BAZ2B: variants seen among roughly 807,000 people sequenced by gnomAD.
The protein encoded by BAZ2B is bromodomain adjacent to zinc finger domain protein 2B.
A neutral mutation model predicts 246.0 loss-of-function variants in BAZ2B; 91 were observed. The observed-to-expected ratio is 0.37, with a 90% CI of 0.31 to 0.44. The LOEUF is 0.44. Ranked by LOEUF, BAZ2B falls within the 20% of genes least tolerant of loss-of-function variation. The probability of loss-of-function intolerance (pLI) is 1.00; values close to 1 mark genes in which losing one functional copy is unlikely to be tolerated. For missense variants in BAZ2B, 2,332 were observed against 2,533.7 expected (o/e 0.92, Z 1.71); for synonymous variants, 855 against 860.0 (o/e 0.99, Z 0.10).
intron 6 of BAZ2B, among the ~76,000 whole-genome samples, chr2:159,445,501 T>C (rs2150359253): frequency 6.6e-6 from 1 of 152,264 alleles, no homozygotes; most frequent in African/African-American, 2.4e-5. Context: ...GCCCACTGGA[T>C]GGCAGAGAAA....
At chr2:159,634,486 A>C in the BAZ2B span, among the ~76,000 whole-genome samples, 2 of 152,240 alleles carry the variant, frequency 1.3e-5, no homozygotes, top group African/African-American at 2.4e-5. Context: ...TGCACATGTT[A>C]GAATAATTGT....
intron 1 of BAZ2B, among the ~76,000 whole-genome samples, chr2:159,556,842 C>T (rs1449590569): frequency 6.6e-6 from 1 of 152,068 alleles, no homozygotes; most frequent in Admixed American, 6.6e-5. Flanking sequence ...ATGGTTATGG[C>T]ATTTTAAGGT....
At chr2:159,708,530 C>T in the BAZ2B span, among the ~76,000 whole-genome samples, 2 of 150,480 alleles carry the variant, frequency 1.3e-5, no homozygotes, top group African/African-American at 4.9e-5. Context: ...ATTCTCTTTA[C>T]GTGTTTTAAT....
At chr2:159,399,044 C>A in intron 17 of BAZ2B, 150 bp from the exon 18 acceptor site, 1 of 584,754 alleles carries the variant, frequency 1.7e-6, no homozygotes, top group South Asian at 3.3e-5. Context: ...CCCCAGTTAA[C>A]ATTATGTTTA....
rs879272785 is a variant in BAZ2B at position 159,543,684 on chromosome 2, C to T, written c.-3+12139G>A. On this transcript the variant is annotated intron_variant, in intron 2 of 36. Coordinates refer to ENST00000392783, the MANE Select transcript of BAZ2B (RefSeq NM_013450.4). ...CTGAGTAGCTGCAACTACAGGCACA[C>T]GCCACCACACCCAGCTAATTTTTGT... 7.2e-5 allele frequency among the ~76,000 whole-genome samples: 11 copies of T among 152,016 alleles called. 1 individual carries two copies. The South Asian group carries it at 8.3e-4, about 11-fold the overall frequency.
chr2:159,366,593 T>A (rs1343870749), intron 27 of BAZ2B, among the ~76,000 whole-genome samples: 2 of 152,246 alleles, frequency 1.3e-5, no homozygotes, highest in Non-Finnish European at 2.9e-5. Context: ...CCTACGAAGC[T>A]GAGGATATGA....
At chr2:159,706,081 T>C in the BAZ2B span, among the ~76,000 whole-genome samples, 53 of 39,066 alleles carry the variant, frequency 1.4e-3, 1 homozygote, top group South Asian at 5.6e-3. Flanking sequence ...TGTAAACATA[T>C]ATAACACACA....
At chr2:159,624,415 G>T in the BAZ2B span, among the ~76,000 whole-genome samples, 1 of 152,152 alleles carries the variant, frequency 6.6e-6, no homozygotes, top group East Asian at 1.9e-4. Flanking sequence ...CTCCCAGTAG[G>T]GGCTGACAGA....
rs574888150 is a variant in BAZ2B at position 159,533,430 on chromosome 2, T to G, written c.-3+22393A>C. Among the ~76,000 whole-genome samples the G allele has an allele frequency of 3.3e-4, 50 of 152,260 alleles. No individual in the cohort carries two copies. In the South Asian group the frequency reaches 0.01, roughly 32 times the overall value. ...AATATAGATCAAGTCACTCTGAGGT[T>G]TGGTTTTCCAAAATGAAAGTGCTAA... On this transcript the variant is annotated intron_variant, in intron 2 of 36. Coordinates refer to ENST00000392783, the MANE Select transcript of BAZ2B (RefSeq NM_013450.4).
chr2:159,330,053 C>T (rs999650594), intron 34 of BAZ2B, among the ~76,000 whole-genome samples: 2 of 151,860 alleles, frequency 1.3e-5, no homozygotes, highest in Non-Finnish European at 2.9e-5. Flanking sequence ...CTATGTATGA[C>T]AAAAATGATC....
At chr2:159,349,488 T>A (rs2058335136) in intron 28 of BAZ2B, among the ~76,000 whole-genome samples, 1 of 152,242 alleles carries the variant, frequency 6.6e-6, no homozygotes, top group African/African-American at 2.4e-5. Flanking sequence ...GATATACCGT[T>A]ACAGTAATAA....
chr2:159,489,312 T>C (rs896931674), intron 2 of BAZ2B, among the ~76,000 whole-genome samples: 27 of 150,052 alleles, frequency 1.8e-4, no homozygotes, highest in African/African-American at 6.4e-4. Flanking sequence ...ATGAAGATGA[T>C]AAAAAAAAAG....
At chr2:159,589,326 C>G (rs7580661) in intron 1 of BAZ2B, among the ~76,000 whole-genome samples, 83,072 of 151,386 alleles carry the variant, frequency 0.55, 23,431 homozygotes, top group East Asian at 0.74. Context: ...CATTCTAAGC[C>G]AACTTTCATA....
At chr2:159,465,941 A>C (rs1184922949) in intron 3 of BAZ2B, among the ~76,000 whole-genome samples, 6 of 152,090 alleles carry the variant, frequency 3.9e-5, no homozygotes, top group African/African-American at 7.2e-5. Context: ...AAGAGACTTT[A>C]TTTAGGATGT....
At chr2:159,508,194 G>A (rs2082537171) in intron 2 of BAZ2B, among the ~76,000 whole-genome samples, 1 of 152,122 alleles carries the variant, frequency 6.6e-6, no homozygotes, top group Non-Finnish European at 1.5e-5. Context: ...TCAAATATGG[G>A]CTATTATACA....
chr2:159,456,637 T>C (rs1394857888), intron 3 of BAZ2B, among the ~76,000 whole-genome samples: 3 of 152,156 alleles, frequency 2.0e-5, no homozygotes, highest in South Asian at 2.1e-4. Flanking sequence ...CTGGCAAGAA[T>C]GCAGAGATGG....
intron 33 of BAZ2B, among the ~76,000 whole-genome samples, chr2:159,335,092 TTC>T (rs1433349921): frequency 3.3e-5 from 5 of 152,108 alleles, no homozygotes; most frequent in African/African-American, 7.2e-5. Flanking sequence ...CAGTCTCAGT[TTC>T]TCTCTCTTTT....
intron 2 of BAZ2B, among the ~76,000 whole-genome samples, chr2:159,553,870 A>G (rs1423328973): frequency 6.6e-6 from 1 of 152,176 alleles, no homozygotes; most frequent in Non-Finnish European, 1.5e-5. Context: ...TGGATCTATG[A>G]CTAGTCTCCT....
chr2:159,577,611 A>G (rs1685661121), intron 1 of BAZ2B, among the ~76,000 whole-genome samples: 1 of 152,196 alleles, frequency 6.6e-6, no homozygotes, highest in Admixed American at 6.5e-5. Context: ...GGGAGGAAAA[A>G]TACTTTAAAT....
Sources: allele counts gnomAD v4.1 joint callset (sites outside exome capture counted in the v4.1 genomes callset), GRCh38; gene constraint gnomAD v4.1.1; transcripts MANE v1.5; gene names NCBI Gene and HGNC (gene_info 2026-07-23, HGNC 2026-07-21).